Variants in KCP observed in about 807,000 individuals in gnomAD.
The protein encoded by KCP is kielin/chordin-like protein.
Under a neutral mutation model 212.7 loss-of-function variants are expected in KCP, and 194 were observed. The observed-to-expected ratio is 0.91, with a 90% confidence interval of 0.81 to 1.03. The LOEUF (loss-of-function observed/expected upper bound fraction) is 1.03. Ranked by LOEUF, KCP falls within the 50% of genes least tolerant of loss-of-function variation. KCP has a pLI of 0.00. For missense variants in KCP, 2,080 were observed against 2,162.5 expected, an observed-to-expected ratio of 0.96 and a Z score of 0.76; for synonymous variants, 833 against 865.3, an observed-to-expected ratio of 0.96 and a Z score of 0.65.
chr7:128,908,247 GAAAGAAGAAAGAAAGAAAGAAAGAAAGA>G (rs1563056873), intron 2 of KCP, among the ~76,000 whole-genome samples, 151 bp downstream of exon 2: 2 of 87,210 alleles, frequency 2.3e-5, no homozygotes, highest in East Asian at 1.3e-3. Flanking sequence ...AAGGAAGAAA[GAAAGAAGAAAGAAAGAAAGAAAGAAAGA>G]AAGAAAGAAA....
At chr7:128,881,805 C>T (rs957871668) in intron 30 of KCP, 80 bp from the exon 31 acceptor site, 3 of 1,394,062 alleles carry the variant, frequency 2.2e-6, no homozygotes, top group Non-Finnish European at 3.0e-6. Context: ...CAGGATGTGA[C>T]AGTCAGGACA....
intron 5 of KCP, among the ~76,000 whole-genome samples, chr7:128,904,798 A>G (rs1158067740): frequency 6.6e-6 from 1 of 152,250 alleles, no homozygotes; most frequent in Non-Finnish European, 1.5e-5. Flanking sequence ...CAGACATCAG[A>G]GACTTTGATA....
At chr7:128,883,224 C>G (rs1175260506) in intron 29 of KCP, among the ~76,000 whole-genome samples, 1 of 151,526 alleles carries the variant, frequency 6.6e-6, no homozygotes, top group Non-Finnish European at 1.5e-5. Context: ...ACTGCAACCT[C>G]TGCCTCCCGG....
In KCP at chr7:128,880,489, G is replaced by A. The variant is rs1202715888; in HGVS notation, c.3656C>T (p.Ala1219Val). 2.0e-6 allele frequency: 3 copies of A among 1,533,924 alleles called. No homozygotes were observed. The highest frequency in any genetic ancestry group is 1.4e-5 in the African/African-American group (1 of 72,710). Reference protein sequence around the residue: ...QSCVHQGREVASGERWTVDTC... With the variant: ...QSCVHQGREVVSGERWTVDTC... Reference sequence around the variant, plus strand: ...GTCCACAGTCCAGCGCTCTCCAGAGGCCACCTCACGGCCCTGGTGCACGCA... The same window carrying A: ...GTCCACAGTCCAGCGCTCTCCAGAGACCACCTCACGGCCCTGGTGCACGCA... Residue 1219 changes from alanine to valine, a missense_variant, in exon 34 of 40, where the codon GCC (alanine) becomes GTC (valine). Coordinates refer to ENST00000610776, the MANE Select transcript of KCP (RefSeq NM_001366122.1).
At chr7:128,883,642 T>C (rs1296559090) in intron 29 of KCP, among the ~76,000 whole-genome samples, 1 of 152,190 alleles carries the variant, frequency 6.6e-6, no homozygotes, top group Non-Finnish European at 1.5e-5. Flanking sequence ...TTCTTTACTT[T>C]TCCCCCCAAT....
rs1793663295 is a variant in KCP at position 128,886,635 on chromosome 7, C to T, written c.2772+20G>A. The T allele has an allele frequency of 6.4e-7, 1 of 1,550,768 alleles. No individual in the cohort carries two copies. The highest frequency in any genetic ancestry group is 8.7e-7 in the Non-Finnish European group (1 of 1,146,342). ...GCTATGGTCCAGCTGTCACTCCACA[C>T]CCCCCACCTCCTGCTATACCTGACA... On this transcript the variant is annotated intron_variant, in intron 25 of 39. Coordinates refer to ENST00000610776, the MANE Select transcript of KCP (RefSeq NM_001366122.1).
intron 8 of KCP, 125 bp downstream of exon 8, chr7:128,902,652 G>A (rs1794917211): frequency 1.1e-5 from 9 of 853,052 alleles, no homozygotes; most frequent in Admixed American, 4.2e-5. Context: ...AGCAGACAGC[G>A]CCTAGGTCTT....
chr7:128,910,471 A>G, intron 1 of KCP, 130 bp downstream of exon 1: 1 of 828,350 alleles, frequency 1.2e-6, no homozygotes, highest in Non-Finnish European at 1.8e-6. Flanking sequence ...GGAGCTGGCC[A>G]GGGAGGCGCG....
At chr7:128,894,464 C>A (rs1317198376) in intron 8 of KCP, among the ~76,000 whole-genome samples, 171 bp from the exon 9 acceptor site, 1 of 152,194 alleles carries the variant, frequency 6.6e-6, no homozygotes, top group Non-Finnish European at 1.5e-5. Flanking sequence ...CAGCCTGTTA[C>A]ACTATTTGGA....
At chr7:128,902,881 GA>G in intron 7 of KCP, 22 bp from the exon 8 acceptor site, 1 of 1,541,920 alleles carries the variant, frequency 6.5e-7, no homozygotes, top group Non-Finnish European at 8.8e-7. Context: ...GGGTTGAGAA[GA>G]GGGAGGCCTG....
intron 16 of KCP, among the ~76,000 whole-genome samples, chr7:128,892,142 C>T (rs1180920377): frequency 6.6e-6 from 1 of 151,892 alleles, no homozygotes; most frequent in African/African-American, 2.4e-5. Flanking sequence ...CCATGCATCC[C>T]AGCACCCGGC....
intron 2 of KCP, among the ~76,000 whole-genome samples, 176 bp downstream of exon 2, chr7:128,908,250 A>G (rs779608818): frequency 0.011 from 758 of 66,410 alleles, 3 homozygotes; most frequent in Non-Finnish European, 0.019. Flanking sequence ...GAAGAAAGAA[A>G]GAAGAAAGAA....
chr7:128,880,291 C>T (rs914214628), intron 34 of KCP, 95 bp downstream of exon 34: 46 of 1,420,156 alleles, frequency 3.2e-5, no homozygotes, highest in Middle Eastern at 2.4e-4. Flanking sequence ...GCGGCAGGAG[C>T]CCAGCCTCCC....
chr7:128,907,097 T>C lies in KCP; in HGVS notation c.486+4A>G. 1 of 1,551,008 alleles carries C rather than the reference T, an allele frequency of 6.4e-7. No individual in the cohort carries two copies. The highest frequency in any genetic ancestry group is 8.7e-7 in the Non-Finnish European group (1 of 1,146,782). On this transcript the variant is annotated splice_donor_region_variant and intron_variant, in intron 4 of 39. Transcript: ENST00000610776. ...GGATATCCAGGTAGGTCCTGGGAGC[T>C]TACCAGACAGCGGCAGGTGGTGCAG...
At chr7:128,906,415 G>C in intron 4 of KCP, 52 bp from the exon 5 acceptor site, 1 of 1,313,922 alleles carries the variant, frequency 7.6e-7, no homozygotes, top group Non-Finnish European at 1.1e-6. Context: ...CTGGAGGGCA[G>C]GGCCTCTGGA....
chr7:128,892,359 A>G (rs1194013534), intron 16 of KCP, among the ~76,000 whole-genome samples, 155 bp downstream of exon 16: 1 of 151,972 alleles, frequency 6.6e-6, no homozygotes. Context: ...CCTCCCACCC[A>G]CACCCCGTGA....
At position 128,886,918 on chromosome 7, in the gene KCP, G is replaced by T; in HGVS notation, c.2647C>A (p.Pro883Thr). 1.3e-6 allele frequency: 2 copies of T among 1,532,860 alleles called. No homozygotes were observed. Among genetic ancestry groups the T allele is most frequent in the Non-Finnish European group, 1.8e-6 (2 of 1,137,416 alleles). The allele number at this position is 1,532,860 out of a possible 1,614,324, so 95.0% of individuals were successfully genotyped here. The change falls in exon 24 of 40, where the codon CCC becomes ACC. Residue 883 changes from proline (P) to threonine (T), a missense_variant. Physicochemically the swap from Pro to Thr is conservative, Grantham distance 38. Coordinates refer to ENST00000610776, the MANE Select transcript of KCP (RefSeq NM_001366122.1). ...QKKPCPPALCPHPSPGPCFCP... is the reference protein window; with the variant it reads ...QKKPCPPALCTHPSPGPCFCP... ...AAGCAGGGGCCTGGAGAGGGGTGGG[G>T]GCAGAGAGCTGGGGGACATGGCTTC... is the stretch of plus-strand genomic sequence containing the variant.
At position 128,898,833 on chromosome 7, in the gene KCP, T is replaced by C. The variant is rs150319805; in HGVS notation, c.831+3944A>G. Among the ~76,000 whole-genome samples the C allele has an allele frequency of 7.9e-3, 1,205 of 152,366 alleles. 14 individuals are homozygous for C. Among genetic ancestry groups the C allele is most frequent in the African/African-American group, 0.027 (1,138 of 41,584 alleles). On this transcript the variant is annotated intron_variant, in intron 8 of 39. Transcript: ENST00000610776. The stretch of plus-strand genomic sequence containing the variant: ...ATTGGTTAAAGTTAAAGGGGTATTA[T>C]TCAGTTTTTCTGTAAATTGAGCATT...
intron 22 of KCP, among the ~76,000 whole-genome samples, chr7:128,888,075 TAC>T (rs1563029920): frequency 1.2e-5 from 1 of 86,278 alleles, no homozygotes; most frequent in Non-Finnish European, 2.3e-5. Context: ...CAGACACAAA[TAC>T]AGACACACAC....
Sources: allele counts gnomAD v4.1 joint callset (sites outside exome capture counted in the v4.1 genomes callset), GRCh38; gene constraint gnomAD v4.1.1; transcripts MANE v1.5; gene names NCBI Gene and HGNC (gene_info 2026-07-23, HGNC 2026-07-21).